Variants in COLEC12 observed in about 807,000 individuals in gnomAD.
COLEC12 encodes collectin subfamily member 12, also known as collectin-12.
Under a neutral mutation model 71.1 loss-of-function variants are expected in COLEC12, and 33 were observed. That is an observed-to-expected ratio of 0.46 (90% CI 0.35 to 0.62). The LOEUF is 0.62. Ranked by LOEUF, COLEC12 falls within the 20% of genes least tolerant of loss-of-function variation. The pLI is 0.00. For missense variants in COLEC12, 765 were observed against 916.1 expected (o/e 0.84, Z 2.13); for synonymous variants, 350 against 353.0 (o/e 0.99, Z 0.10).
At chr18:456,817 G>A (rs967871316) in intron 2 of COLEC12, among the ~76,000 whole-genome samples, 2 of 152,170 alleles carry the variant, frequency 1.3e-5, no homozygotes, top group East Asian at 1.9e-4. Flanking sequence ...GAGGAGCACA[G>A]GCTGTTTGGC....
At chr18:377,384 G>A (rs8089947) in intron 2 of COLEC12, among the ~76,000 whole-genome samples, 1 of 152,194 alleles carries the variant, frequency 6.6e-6, no homozygotes, top group Non-Finnish European at 1.5e-5. Context: ...GAACCCGTAG[G>A]AATTAGGACT....
chr18:468,046 G>A (rs989004845), intron 2 of COLEC12, among the ~76,000 whole-genome samples: 13 of 152,042 alleles, frequency 8.6e-5, no homozygotes, highest in Admixed American at 5.9e-4. Context: ...GGTGGATCAC[G>A]AGGTCAGGAG....
rs1263631595 is a variant in COLEC12 at position 319,337 on chromosome 18, A to ATAT, written c.*707_*708insATA. 4.3e-3 allele frequency: 155 copies of ATAT among 36,264 alleles called. No homozygotes were observed. The highest frequency in any genetic ancestry group is 9.3e-3 in the African/African-American group (139 of 15,002). 2.2% of individuals were successfully genotyped at this position (36,264 alleles called of 1,614,324 possible). A position where few individuals can be genotyped will look rare whatever the true frequency, so the allele number is the denominator to read the frequency against. On this transcript the variant is annotated 3_prime_UTR_variant, in exon 10 of 10. Coordinates refer to ENST00000400256, the MANE Select transcript of COLEC12 (RefSeq NM_130386.3). ...ATGAAACATTAAAAAAAAAAAAAAA[A>ATAT]AAAAATATATATATATATATATATA... is the stretch of plus-strand genomic sequence containing the variant.
intron 5 of COLEC12, among the ~76,000 whole-genome samples, chr18:340,078 A>AAAAAAAC (rs1914211999): frequency 1.3e-5 from 2 of 150,744 alleles, no homozygotes; most frequent in Admixed American, 6.6e-5. Flanking sequence ...TGAAAGCAAA[A>AAAAAAAC]AAAAAAAAAA....
chr18:481,417 G>A (rs530470301), intron 1 of COLEC12, among the ~76,000 whole-genome samples: 1 of 152,266 alleles, frequency 6.6e-6, no homozygotes, highest in Admixed American at 6.5e-5. Flanking sequence ...AAAGAAGAGA[G>A]ATGTCGGCCG....
intron 2 of COLEC12, among the ~76,000 whole-genome samples, chr18:386,838 T>C (rs1184599118): frequency 6.6e-6 from 1 of 152,130 alleles, no homozygotes; most frequent in African/African-American, 2.4e-5. Context: ...AAAAATAAAA[T>C]TTGATTTCAA....
intron 2 of COLEC12, among the ~76,000 whole-genome samples, chr18:428,639 T>C (rs1916242470): frequency 6.6e-6 from 1 of 152,234 alleles, no homozygotes; most frequent in South Asian, 2.1e-4. Flanking sequence ...AGGTATTACT[T>C]CTGAAAAGAA....
chr18:430,122 G>A (rs1241315514), intron 2 of COLEC12, among the ~76,000 whole-genome samples: 1 of 152,110 alleles, frequency 6.6e-6, no homozygotes, highest in Non-Finnish European at 1.5e-5. Context: ...CAGATAGCTT[G>A]AGGCCAGGAG....
intron 2 of COLEC12, among the ~76,000 whole-genome samples, chr18:396,488 A>T (rs773414025): frequency 6.6e-6 from 1 of 152,222 alleles, no homozygotes; most frequent in Non-Finnish European, 1.5e-5. Flanking sequence ...TACTGATTTC[A>T]TCAGGGCCTA....
At chr18:325,245 G>A (rs1396193380) in intron 8 of COLEC12, among the ~76,000 whole-genome samples, 1 of 152,058 alleles carries the variant, frequency 6.6e-6, no homozygotes, top group Non-Finnish European at 1.5e-5. Context: ...GATATTATAC[G>A]GAGCAGTCTG....
chr18:319,872 C>A lies in COLEC12; in HGVS notation c.*173G>T. The A allele has an allele frequency of 1.6e-6, 1 of 617,926 alleles. No homozygotes were observed. 38.3% of individuals were successfully genotyped at this position (617,926 alleles called of 1,614,324 possible). A position where few individuals can be genotyped will look rare whatever the true frequency, so the allele number is the denominator to read the frequency against. Reference sequence around the variant, plus strand: ...TCACCCTGGGGAACATTTTAGTTCCCAAGTCTTTGGGTAATGACGGATGGT... The same window carrying A: ...TCACCCTGGGGAACATTTTAGTTCCAAAGTCTTTGGGTAATGACGGATGGT... On this transcript the variant is annotated 3_prime_UTR_variant, in exon 10 of 10. Transcript: ENST00000400256.
At chr18:328,290 A>C (rs1026996098) in intron 8 of COLEC12, among the ~76,000 whole-genome samples, 2 of 152,212 alleles carry the variant, frequency 1.3e-5, no homozygotes, top group African/African-American at 4.8e-5. Context: ...ACAGATGCAA[A>C]GACAAGGAGA....
chr18:351,262 C>G (rs1161436433), intron 3 of COLEC12, among the ~76,000 whole-genome samples: 1 of 152,028 alleles, frequency 6.6e-6, no homozygotes, highest in Non-Finnish European at 1.5e-5. Flanking sequence ...CGAGCCTTTC[C>G]ATGTGTTCTC....
At chr18:450,907 TA>T (rs1380848463) in intron 2 of COLEC12, among the ~76,000 whole-genome samples, 1 of 143,210 alleles carries the variant, frequency 7.0e-6, no homozygotes, top group Non-Finnish European at 1.5e-5. Context: ...GGAACTGGAG[TA>T]AAGGCCACTT....
chr18:470,937 T>C (rs1917184112), intron 2 of COLEC12, among the ~76,000 whole-genome samples: 2 of 152,080 alleles, frequency 1.3e-5, no homozygotes, highest in South Asian at 4.1e-4. Context: ...GTTAGAAAGG[T>C]TATTTCAAAT....
In COLEC12 at chr18:318,074, TCACGC is replaced by T. The variant is rs1177606204; in HGVS notation, c.*1966_*1970del. The T allele has an allele frequency of 1.4e-4, 21 of 148,708 alleles. No individual in the cohort carries two copies. Among genetic ancestry groups the T allele is most frequent in the African/African-American group, 4.9e-4 (20 of 40,950 alleles). 9.2% of individuals were successfully genotyped at this position (148,708 alleles called of 1,614,324 possible). A position where few individuals can be genotyped will look rare whatever the true frequency, so the allele number is the denominator to read the frequency against. On this transcript the variant is annotated 3_prime_UTR_variant, in exon 10 of 10. Coordinates refer to ENST00000400256, the MANE Select transcript of COLEC12 (RefSeq NM_130386.3). The stretch of plus-strand genomic sequence containing the variant: ...TCACTGCAAGCTCCGCTTCCTGGGT[TCACGC>T]CATTCTCCTGCCTCAGCCTCCCGAG...
intron 5 of COLEC12, among the ~76,000 whole-genome samples, chr18:343,964 T>C (rs933439011): frequency 2.0e-5 from 3 of 152,258 alleles, no homozygotes; most frequent in African/African-American, 4.8e-5. Flanking sequence ...GGGTCTCACC[T>C]TCAAATACTA....
intron 2 of COLEC12, among the ~76,000 whole-genome samples, chr18:423,088 T>C (rs997634231): frequency 2.7e-5 from 4 of 147,762 alleles, no homozygotes; most frequent in African/African-American, 9.9e-5. Flanking sequence ...CTGGACAACA[T>C]AGTGAGACCC....
chr18:356,618 T>C (rs899847988), intron 3 of COLEC12, among the ~76,000 whole-genome samples: 3 of 152,206 alleles, frequency 2.0e-5, no homozygotes, highest in African/African-American at 7.2e-5. Flanking sequence ...CTGCCTCTGT[T>C]CTGAAACCAA....
Sources: gnomAD v4.1 joint callset for allele counts (sites outside exome capture counted in the v4.1 genomes callset) on GRCh38, gnomAD v4.1.1 for gene constraint, MANE v1.5 for transcripts, NCBI Gene and HGNC (gene_info 2026-07-23, HGNC 2026-07-21) for gene names.